Variants in LRP1B observed in about 807,000 individuals in gnomAD.
The protein encoded by LRP1B is low-density lipoprotein receptor-related protein 1B.
Under a neutral mutation model 556.6 loss-of-function variants are expected in LRP1B, and 217 were observed. The observed-to-expected ratio is 0.39, with a 90% CI of 0.35 to 0.44. The LOEUF (loss-of-function observed/expected upper bound fraction) is 0.44. Ranked by LOEUF, LRP1B falls within the 20% of genes least tolerant of loss-of-function variation. The probability of loss-of-function intolerance (pLI) is 1.00; values close to 1 mark genes in which losing one functional copy is unlikely to be tolerated. For synonymous variants in LRP1B, 2,047 were observed against 1,865.8 expected (o/e 1.10, Z -2.50); for missense variants, 5,053 against 5,620.8 (o/e 0.90, Z 3.23).
intron 18 of LRP1B, among the ~76,000 whole-genome samples, chr2:140,962,258 G>A (rs1348659192): frequency 6.6e-6 from 1 of 152,076 alleles, no homozygotes; most frequent in Non-Finnish European, 1.5e-5. Context: ...ATGTAGAATT[G>A]TCATCTCCTT....
rs573683327 is a variant in LRP1B at position 140,485,886 on chromosome 2, C to T, written c.9244-362G>A. Among the ~76,000 whole-genome samples the T allele has an allele frequency of 6.7e-5, 10 of 149,222 alleles. 3 individuals carry two copies. Among genetic ancestry groups the T allele is most frequent in the African/African-American group, 2.5e-4 (10 of 40,462 alleles). On this transcript the variant is annotated intron_variant, in intron 58 of 90. Coordinates refer to ENST00000389484, the MANE Select transcript of LRP1B (RefSeq NM_018557.3). Reference sequence around the variant, plus strand: ...ACACACACACACACACACACACAAACTTAGAGATATTATTTTTCTTTAACC... The same window carrying T: ...ACACACACACACACACACACACAAATTTAGAGATATTATTTTTCTTTAACC...
intron 66 of LRP1B, among the ~76,000 whole-genome samples, chr2:140,398,437 C>T (rs1339170843): frequency 2.0e-5 from 3 of 152,176 alleles, no homozygotes; most frequent in Non-Finnish European, 4.4e-5. Flanking sequence ...GACACAAACA[C>T]ACACAAACAC....
intron 1 of LRP1B, among the ~76,000 whole-genome samples, chr2:141,926,704 G>A (rs542477812): frequency 1.6e-4 from 24 of 152,194 alleles, no homozygotes; most frequent in African/African-American, 5.3e-4. Context: ...GGTAGGTAGT[G>A]GTGAGGCCTG....
intron 2 of LRP1B, among the ~76,000 whole-genome samples, chr2:141,594,410 T>G (rs1334273144): frequency 1.3e-5 from 2 of 152,028 alleles, no homozygotes; most frequent in Non-Finnish European, 2.9e-5. Context: ...TCAAAAGAAC[T>G]GAGCAAAATA....
intron 2 of LRP1B, among the ~76,000 whole-genome samples, chr2:141,725,846 GA>G (rs145173290): frequency 2.6e-4 from 39 of 148,768 alleles, no homozygotes; most frequent in Admixed American, 9.4e-4. Flanking sequence ...TGATAATTTT[GA>G]AAAAAAAAAT....
At chr2:141,053,322 C>T (rs1699090592) in intron 10 of LRP1B, among the ~76,000 whole-genome samples, 1 of 151,876 alleles carries the variant, frequency 6.6e-6, no homozygotes, top group Non-Finnish European at 1.5e-5. Context: ...CTGAATTTTT[C>T]CACAGCAGTC....
At chr2:140,551,457 C>T (rs990411593) in intron 43 of LRP1B, among the ~76,000 whole-genome samples, 6 of 152,106 alleles carry the variant, frequency 3.9e-5, no homozygotes, top group Non-Finnish European at 8.8e-5. Flanking sequence ...GAGTATGACT[C>T]TCCCTCAGAC....
chr2:142,009,568 A>G, intron 1 of LRP1B, among the ~76,000 whole-genome samples: 1 of 151,700 alleles, frequency 6.6e-6, no homozygotes, highest in African/African-American at 2.4e-5. Context: ...GCAAAACTTC[A>G]CTTCTAAAAA....
chr2:141,288,535 C>T (rs1379038498), intron 3 of LRP1B, among the ~76,000 whole-genome samples: 1 of 152,050 alleles, frequency 6.6e-6, no homozygotes, highest in East Asian at 1.9e-4. Context: ...CAAGATACTA[C>T]AATAGGTACT....
intron 2 of LRP1B, among the ~76,000 whole-genome samples, chr2:141,787,460 A>G (rs906176364): frequency 2.0e-5 from 3 of 151,990 alleles, no homozygotes; most frequent in Non-Finnish European, 4.4e-5. Flanking sequence ...TCTCAAATGC[A>G]TTATGCTGTG....
chr2:140,256,046 G>T (rs2104916484), intron 86 of LRP1B, among the ~76,000 whole-genome samples: 1 of 152,152 alleles, frequency 6.6e-6, no homozygotes, highest in African/African-American at 2.4e-5. Flanking sequence ...AGAGGTATTT[G>T]CTTGATGGAT....
chr2:141,759,966 C>G (rs1474271692), intron 2 of LRP1B, among the ~76,000 whole-genome samples: 1 of 152,060 alleles, frequency 6.6e-6, no homozygotes, highest in Non-Finnish European at 1.5e-5. Flanking sequence ...CCTGTCTCTA[C>G]TAAAATACAA....
intron 32 of LRP1B, among the ~76,000 whole-genome samples, chr2:140,777,676 G>GA (rs915983475): frequency 3.6e-4 from 55 of 151,934 alleles, no homozygotes; most frequent in African/African-American, 1.2e-3. Flanking sequence ...TAATAATTTA[G>GA]AAAAAATCCT....
chr2:140,529,439 G>GC (rs373059066), intron 47 of LRP1B, among the ~76,000 whole-genome samples: 1 of 115,648 alleles, frequency 8.6e-6, no homozygotes, highest in Admixed American at 9.1e-5. Flanking sequence ...AAAAGGGGGG[G>GC]GGGAAGCATT....
At chr2:140,389,163 CAT>C (rs1443990634) in intron 66 of LRP1B, among the ~76,000 whole-genome samples, 5 of 152,028 alleles carry the variant, frequency 3.3e-5, no homozygotes, top group African/African-American at 1.2e-4. Flanking sequence ...CATATTATCA[CAT>C]AATATATGTG....
At chr2:141,113,930 A>G (rs1202861534) in intron 7 of LRP1B, among the ~76,000 whole-genome samples, 1 of 152,218 alleles carries the variant, frequency 6.6e-6, no homozygotes, top group African/African-American at 2.4e-5. Flanking sequence ...AACTCATGCA[A>G]TTTTAAAGCA....
chr2:140,935,121 G>T (rs867871013), intron 20 of LRP1B, among the ~76,000 whole-genome samples: 7 of 152,016 alleles, frequency 4.6e-5, no homozygotes, highest in African/African-American at 1.7e-4. Context: ...CACAAGGCAT[G>T]CAAAGAAGAG....
intron 2 of LRP1B, among the ~76,000 whole-genome samples, chr2:141,806,735 T>C (rs1302544555): frequency 6.6e-6 from 1 of 152,078 alleles, no homozygotes; most frequent in Non-Finnish European, 1.5e-5. Context: ...TTTTATTTAG[T>C]TTCCAGGATT....
intron 41 of LRP1B, 102 bp from the exon 42 acceptor site, chr2:140,601,741 A>G: frequency 1.6e-6 from 1 of 635,076 alleles, no homozygotes; most frequent in Non-Finnish European, 2.4e-6. Flanking sequence ...CTGTTATTTC[A>G]TCAACCATTT....
Sources: allele counts gnomAD v4.1 joint callset (sites outside exome capture counted in the v4.1 genomes callset), GRCh38; gene constraint gnomAD v4.1.1; transcripts MANE v1.5; gene names NCBI Gene and HGNC (gene_info 2026-07-23, HGNC 2026-07-21).